IRF8: variants seen among roughly 807,000 people sequenced by gnomAD.
The protein encoded by IRF8 is interferon consensus sequence binding protein 1.
IRF8 carries 14 observed loss-of-function variants against 48.7 expected under a neutral mutation model. The ratio of observed to expected loss-of-function variants is 0.29; its 90% CI spans 0.19 to 0.45. The LOEUF (loss-of-function observed/expected upper bound fraction) is 0.45. Among genes scored for constraint, IRF8 ranks in the 20% least tolerant of loss-of-function variants. The pLI, the probability that IRF8 is intolerant of heterozygous loss-of-function variation, is 1.00. For synonymous variants in IRF8, 278 were observed against 227.3 expected, an observed-to-expected ratio of 1.22 and a Z score of -2.01; for missense variants, 493 against 580.7, an observed-to-expected ratio of 0.85 and a Z score of 1.55.
rs759974339 is a variant in IRF8, at chr16:85,920,206, C to A, written c.1086C>A (p.Ser362=). 1.2e-5 allele frequency: 18 copies of A among 1,539,304 alleles called. No individual in the cohort carries two copies. The highest frequency in any genetic ancestry group is 1.6e-5 in the Non-Finnish European group (18 of 1,113,718). Residue 362 remains serine, a synonymous_variant, in exon 8 of 9, where the codon TCC becomes TCA. Coordinates refer to ENST00000268638, the MANE Select transcript of IRF8 (RefSeq NM_002163.4). ...TTCCGGATATGGCCCCCTTGCGCTC[C>A]AAACTCATTCTCGTGCAGGTAAGTA... ...EEFPDMAPLR[S]KLILVQIEQL...
chr16:85,914,173 T>C (rs903202), intron 5 of IRF8: 205,108 of 447,732 alleles, frequency 0.46, 47,978 homozygotes, highest in Middle Eastern at 0.53. Flanking sequence ...ATTCTGGGGG[T>C]AAGTGCTTGA....
chr16:85,921,618 A>G lies in IRF8; in HGVS notation c.*336A>G, dbSNP rs965576804. ...TTCCAAAGACTTGTCATTCAGTAAT[A>G]TTAGCAGATAGCTGCTTCGATAAAG... On this transcript the variant is annotated 3_prime_UTR_variant, in exon 9 of 9. Transcript: ENST00000268638. 6 of 349,954 alleles carry G rather than the reference A, an allele frequency of 1.7e-5. No individual in the cohort carries two copies. The highest frequency in any genetic ancestry group is 2.7e-5 in the Non-Finnish European group (5 of 185,238). The allele number at this position is 349,954 out of a possible 1,614,324, so 21.7% of individuals were successfully genotyped here.
chr16:85,921,557 G>T lies in IRF8; in HGVS notation c.*275G>T. On this transcript the variant is annotated 3_prime_UTR_variant, in exon 9 of 9. Transcript: ENST00000268638. ...CCTTTACCCGTCATTATCATTAGTT[G>T]CTATGATTCTTTCTGCATTTTCGGT... 1 of 459,974 alleles carries T rather than the reference G, an allele frequency of 2.2e-6. No homozygotes were observed. Among genetic ancestry groups the T allele is most frequent in the Non-Finnish European group, 4.0e-6 (1 of 251,018 alleles). 28.5% of individuals were successfully genotyped at this position (459,974 alleles called of 1,614,324 possible). A position where few individuals can be genotyped will look rare whatever the true frequency, so the allele number is the denominator to read the frequency against.
chr16:85,899,505 A>G (rs555554352), intron 1 of IRF8, among the ~76,000 whole-genome samples: 1 of 152,254 alleles, frequency 6.6e-6, no homozygotes, highest in Non-Finnish European at 1.5e-5. Context: ...TACATGGAAA[A>G]CGTTAGGAGA....
intron 3 of IRF8, among the ~76,000 whole-genome samples, chr16:85,910,466 C>T (rs1229232351): frequency 1.3e-5 from 2 of 152,176 alleles, no homozygotes; most frequent in Non-Finnish European, 1.5e-5. Flanking sequence ...CTTTTTGCCT[C>T]ATTTCCCAGT....
chr16:85,899,465 T>A (rs1301558371), intron 1 of IRF8, among the ~76,000 whole-genome samples: 2 of 152,384 alleles, frequency 1.3e-5, no homozygotes, highest in Non-Finnish European at 2.9e-5. Context: ...GATGCCTTTT[T>A]AAAAATCTCA....
At position 85,918,666 on chromosome 16, in the gene IRF8, G is replaced by A. The variant is rs767169156; in HGVS notation, c.851G>A (p.Arg284Gln). Reference protein sequence around the residue: ...LERGVLLHSSRQGVFVKRLCQ... With the variant: ...LERGVLLHSSQQGVFVKRLCQ... ...CGCGGGGTGCTGCTGCACAGCAGCC[G>A]GCAGGGCGTGTTCGTCAAGCGGCTG... is the stretch of plus-strand genomic sequence containing the variant. Residue 284 changes from arginine to glutamine, a missense_variant, in exon 7 of 9, where the codon CGG becomes CAG. Transcript: ENST00000268638. The A allele has an allele frequency of 9.3e-6, 15 of 1,610,756 alleles. No homozygotes were observed. In the African/African-American group the frequency reaches 1.3e-4, roughly 14 times the overall value.
At chr16:85,912,501 G>A (rs2152101791) in intron 4 of IRF8, among the ~76,000 whole-genome samples, 1 of 152,298 alleles carries the variant, frequency 6.6e-6, no homozygotes, top group South Asian at 2.1e-4. Flanking sequence ...TTCTGCACAG[G>A]CAGCTGCCAA....
rs1352716094 is a variant in IRF8, at chr16:85,921,129, A to G, written c.1128A>G (p.Gln376=). The change falls in exon 9 of 9, where the codon CAA becomes CAG. Residue 376 remains glutamine (Q), a synonymous_variant. Coordinates refer to ENST00000268638, the MANE Select transcript of IRF8 (RefSeq NM_002163.4). ...LVQIEQLYVR[Q]LAEEAGKSCG... Reference sequence around the variant, plus strand: ...AGATTGAGCAGCTGTATGTCCGGCAACTGGCAGAAGAGGCTGGGAAGAGCT... The same window carrying G: ...AGATTGAGCAGCTGTATGTCCGGCAGCTGGCAGAAGAGGCTGGGAAGAGCT... 2.5e-6 allele frequency: 4 copies of G among 1,613,850 alleles called. No individual in the cohort carries two copies. The highest frequency in any genetic ancestry group is 3.4e-6 in the Non-Finnish European group (4 of 1,179,944).
chr16:85,917,018 T>C (rs1241001925), intron 6 of IRF8, among the ~76,000 whole-genome samples: 1 of 152,192 alleles, frequency 6.6e-6, no homozygotes, highest in Non-Finnish European at 1.5e-5. Flanking sequence ...AACTCCAGCA[T>C]GGCTGGAAAT....
chr16:85,915,149 C>G (rs1217823623), intron 6 of IRF8, among the ~76,000 whole-genome samples: 1 of 152,132 alleles, frequency 6.6e-6, no homozygotes, highest in Non-Finnish European at 1.5e-5. Context: ...GGGGGCCTCC[C>G]CGCGGTGGGC....
intron 3 of IRF8, among the ~76,000 whole-genome samples, chr16:85,910,860 G>C (rs1013106557): frequency 4.6e-5 from 7 of 152,234 alleles, no homozygotes; most frequent in African/African-American, 1.7e-4. Flanking sequence ...AAATTCTGTA[G>C]GTCACTGGGA....
chr16:85,913,801 G>A (rs565962307), intron 5 of IRF8, among the ~76,000 whole-genome samples: 23 of 152,210 alleles, frequency 1.5e-4, no homozygotes, highest in African/African-American at 4.6e-4. Context: ...CAGGACTTGC[G>A]CCATGGGGTC....
Position 85,921,518 on chromosome 16 carries a change from A to AG in IRF8, c.*236_*237insG, listed in dbSNP as rs1396762139. The AG allele has an allele frequency of 1.8e-6, 1 of 554,440 alleles. No homozygotes were observed. 34.3% of individuals were successfully genotyped at this position (554,440 alleles called of 1,614,324 possible). A position where few individuals can be genotyped will look rare whatever the true frequency, so the allele number is the denominator to read the frequency against. On this transcript the variant is annotated 3_prime_UTR_variant, in exon 9 of 9. Coordinates refer to ENST00000268638, the MANE Select transcript of IRF8 (RefSeq NM_002163.4). ...CTGTAACCACAACCTGTGGCTAAAAATTTTATTTTCTATCCTTTACCCGTC... is the reference window on the plus strand; with the variant it reads ...CTGTAACCACAACCTGTGGCTAAAAAGTTTTATTTTCTATCCTTTACCCGTC...
intron 6 of IRF8, among the ~76,000 whole-genome samples, chr16:85,914,783 G>A (rs1004859218): frequency 6.6e-6 from 1 of 151,914 alleles, no homozygotes; most frequent in Non-Finnish European, 1.5e-5. Context: ...AGGATGAGCA[G>A]GACCTCGTGT....
chr16:85,913,650 C>T (rs1035699044), intron 5 of IRF8, among the ~76,000 whole-genome samples: 1 of 152,216 alleles, frequency 6.6e-6, no homozygotes, highest in Non-Finnish European at 1.5e-5. Flanking sequence ...CCCCTCAGAA[C>T]CAAAGAGAGC....
Position 85,910,308 on chromosome 16 carries a change from A to G in IRF8, c.358+1135A>G, listed in dbSNP as rs540730285. The stretch of plus-strand genomic sequence containing the variant: ...GGCGTTTGTAGCCTAATCGTCTGCA[A>G]TTAGCACCTAACTCTACTGAGCGTG... On this transcript the variant is annotated intron_variant, in intron 3 of 8. Coordinates refer to ENST00000268638, the MANE Select transcript of IRF8 (RefSeq NM_002163.4). 9.2e-5 allele frequency among the ~76,000 whole-genome samples: 14 copies of G among 152,296 alleles called. No homozygotes were observed. The East Asian group carries it at 9.6e-4, about 10-fold the overall frequency.
intron 7 of IRF8, among the ~76,000 whole-genome samples, chr16:85,919,602 T>C (rs1035340351): frequency 1.3e-5 from 2 of 152,222 alleles, no homozygotes; most frequent in Non-Finnish European, 2.9e-5. Flanking sequence ...TCCTGCAATG[T>C]ACATTCCCGG....
chr16:85,918,471 C>G lies in IRF8; in HGVS notation c.656C>G (p.Ala219Gly). The change falls in exon 7 of 9, where the codon GCC becomes GGC. Residue 219 changes from alanine (A) to glycine (G), a missense_variant. Transcript: ENST00000268638. ...FYYGGKLVGQ[A>G]TTTCPEGCRL... ...TATGGGGGCAAGCTGGTGGGCCAGG[C>G]CACCACCACCTGCCCCGAGGGCTGC... 6.3e-7 allele frequency: 1 copy of G among 1,590,010 alleles called. No individual in the cohort carries two copies. The highest frequency in any genetic ancestry group is 8.5e-7 in the Non-Finnish European group (1 of 1,174,760).
Sources: gnomAD v4.1 joint callset for allele counts (sites outside exome capture counted in the v4.1 genomes callset) on GRCh38, gnomAD v4.1.1 for gene constraint, MANE v1.5 for transcripts, NCBI Gene and HGNC (gene_info 2026-07-23, HGNC 2026-07-21) for gene names.